Variants in ALDOA observed in about 807,000 individuals in gnomAD.
ALDOA encodes aldolase, fructose-bisphosphate A.
A neutral mutation model predicts 43.9 loss-of-function variants in ALDOA; 26 were observed. The observed-to-expected ratio is 0.59, with a 90% confidence interval of 0.43 to 0.82. The LOEUF is 0.82. ALDOA is among the 40% of genes least tolerant of loss of function. The probability of loss-of-function intolerance (pLI) is 0.00; values close to 1 mark genes in which losing one functional copy is unlikely to be tolerated. For missense variants in ALDOA, 498 were observed against 549.5 expected (o/e 0.91, Z 0.94); for synonymous variants, 258 against 222.6 (o/e 1.16, Z -1.42).
At chr16:30,067,103 C>A in intron 2 of ALDOA, 65 bp downstream of exon 2, 1 of 1,570,192 alleles carries the variant, frequency 6.4e-7, no homozygotes. Context: ...AGAAGTGCCC[C>A]AGGGCCTGCT....
At chr16:30,066,864 C>T (rs992170854) in intron 1 of ALDOA, 21 bp from the exon 2 acceptor site, 2 of 1,544,918 alleles carry the variant, frequency 1.3e-6, no homozygotes, top group Non-Finnish European at 1.7e-6. Context: ...CTAAAATACT[C>T]CGGTTCGGTT....
At chr16:30,068,062 ATT>A (rs71143773) in intron 4 of ALDOA, 4,420 of 175,680 alleles carry the variant, frequency 0.025, no homozygotes, top group South Asian at 0.068. Context: ...TTTTAAGTAA[ATT>A]TTTTTTTTTT....
chr16:30,066,848 T>C, intron 1 of ALDOA, 37 bp from the exon 2 acceptor site: 1 of 1,533,868 alleles, frequency 6.5e-7, no homozygotes, highest in Non-Finnish European at 8.8e-7. Context: ...TCACGATCTT[T>C]ACATTCTAAA....
intron 6 of ALDOA, 125 bp from the exon 7 acceptor site, chr16:30,069,181 C>T: frequency 7.3e-7 from 1 of 1,362,816 alleles, no homozygotes. Flanking sequence ...CTCCTGTAAT[C>T]TGAGGGCTTT....
At position 30,069,902 on chromosome 16, in the gene ALDOA, C is replaced by T; in HGVS notation, c.1034C>T (p.Pro345Leu). The change falls in exon 9 of 10, where the codon CCC becomes CTC. Residue 345 changes from proline to leucine, a missense_variant. Coordinates refer to ENST00000642816, the MANE Select transcript of ALDOA (RefSeq NM_001243177.4). ...SINLNAINKC[P>L]LLKPWALTFS... Reference sequence around the variant, plus strand: ...AACCTCAATGCCATTAACAAGTGCCCCCTGCTGAAGCCCTGGGCCCTGACC... The same window carrying T: ...AACCTCAATGCCATTAACAAGTGCCTCCTGCTGAAGCCCTGGGCCCTGACC... The T allele has an allele frequency of 1.9e-6, 3 of 1,614,150 alleles. No individual in the cohort carries two copies. The highest frequency in any genetic ancestry group is 2.2e-5 in the South Asian group (2 of 91,084).
intron 4 of ALDOA, 188 bp from the exon 5 acceptor site, chr16:30,068,458 G>A (rs1229251514): frequency 1.4e-6 from 1 of 690,176 alleles, no homozygotes; most frequent in African/African-American, 1.8e-5. Flanking sequence ...GGAAGACTGG[G>A]GCTAAAGAAG....
upstream of ALDOA, among the ~76,000 whole-genome samples, chr16:30,065,127 T>C (rs2072054380): frequency 6.6e-6 from 1 of 152,318 alleles, no homozygotes; most frequent in Admixed American, 6.5e-5. Flanking sequence ...CCTGCCAGCC[T>C]GGAACTCGGA....
chr16:30,067,177 G>A (rs2072140098), intron 2 of ALDOA, 57 bp from the exon 3 acceptor site: 3 of 1,609,066 alleles, frequency 1.9e-6, no homozygotes, highest in East Asian at 2.2e-5. Context: ...CCTGGTCATC[G>A]GGAGATGATG....
intron 3 of ALDOA, 33 bp from the exon 4 acceptor site, chr16:30,067,417 G>A: frequency 9.3e-6 from 15 of 1,613,820 alleles, no homozygotes; most frequent in Non-Finnish European, 1.3e-5. Context: ...GGAGTGGCAG[G>A]CTGATCCCCT....
At chr16:30,064,840 AGGGTCCAGATG>A (rs1256284659), upstream of ALDOA, 1 of 219,664 alleles carries the variant, frequency 4.6e-6, no homozygotes, top group African/African-American at 2.3e-5. Context: ...TTGGGCCAAC[AGGGTCCAGATG>A]GGGTCCAGGT....
intron 4 of ALDOA, chr16:30,068,009 A>G (rs2072181321): frequency 3.2e-6 from 1 of 311,096 alleles, no homozygotes; most frequent in Non-Finnish European, 6.1e-6. Flanking sequence ...CTAAGTGAAA[A>G]TATTTTAATT....
rs2072227871 is a variant in ALDOA, at chr16:30,069,250, G to A, written c.703-56G>A. On this transcript the variant is annotated intron_variant, in intron 6 of 9. Transcript: ENST00000642816. ...TCTTGACCAGTGGCTGTGGAGAGAT[G>A]TAGGTGGGACTCTGGGTTAGGAGGC... 6.4e-6 allele frequency: 10 copies of A among 1,573,016 alleles called. No homozygotes were observed. The East Asian group carries it at 2.0e-4, about 32-fold the overall frequency.
At position 30,067,465 on chromosome 16, in the gene ALDOA, G is replaced by C. The variant is rs549146709; in HGVS notation, c.290G>C (p.Arg97Pro). 3.1e-6 allele frequency: 5 copies of C among 1,613,132 alleles called. No homozygotes were observed. The Admixed American group carries it at 5.0e-5, about 16-fold the overall frequency. Residue 97 changes from arginine to proline, a missense_variant, in exon 4 of 10, where the codon CGG becomes CCG. Coordinates refer to ENST00000642816, the MANE Select transcript of ALDOA (RefSeq NM_001243177.4). ...ADESTGSIAK[R>P]LQSIGTENTE... ...ACACTCCCAGGGAGCATTGCCAAGC[G>C]GCTGCAGTCCATTGGCACCGAGAAC...
rs747443135 is a variant in ALDOA at position 30,069,663 on chromosome 16, C to T, written c.951C>T (p.Pro317=). 15 of 1,613,480 alleles carry T rather than the reference C, an allele frequency of 9.3e-6. No homozygotes were observed. Among genetic ancestry groups the T allele is most frequent in the African/African-American group, 4.0e-5 (3 of 74,912 alleles). Residue 317 remains proline, a synonymous_variant, in exon 8 of 10, where the codon CCC becomes CCT. Coordinates refer to ENST00000642816, the MANE Select transcript of ALDOA (RefSeq NM_001243177.4). ...TVTALRRTVP[P]AVTGITFLSG... ...CAGCGCTGCGCCGCACAGTGCCCCC[C>T]GCTGTCACTGGTGAGGCCCACACTC...
upstream of ALDOA, chr16:30,064,414 C>T (rs1221752333): frequency 2.5e-6 from 1 of 398,762 alleles, no homozygotes; most frequent in Non-Finnish European, 4.4e-6. Context: ...CACCCCTTTC[C>T]TTCCCACAGG....
upstream of ALDOA, among the ~76,000 whole-genome samples, chr16:30,065,307 T>C (rs2072059765): frequency 6.6e-6 from 1 of 152,206 alleles, no homozygotes; most frequent in Non-Finnish European, 1.5e-5. Context: ...GACTGCGCGA[T>C]GTGGCCCCTA....
chr16:30,068,924 C>CG lies in ALDOA; in HGVS notation c.649dup (p.Ala217GlyfsTer28). 1 of 1,614,222 alleles carries CG rather than the reference C, an allele frequency of 6.2e-7. No homozygotes were observed. On this transcript the variant is annotated frameshift_variant, in exon 6 of 10. Transcript: ENST00000642816. LOFTEE classifies it high-confidence loss of function. ...TTGGGGAACACACCCCCTCAGCCCTCGCCATCATGGAAAATGCCAATGTTC... is the reference window on the plus strand; with the variant it reads ...TTGGGGAACACACCCCCTCAGCCCTCGGCCATCATGGAAAATGCCAATGTTC...
In ALDOA at chr16:30,070,103, C is replaced by G. The variant is rs781001864; in HGVS notation, c.1162-14C>G. Reference sequence around the variant, plus strand: ...GAGAAGAGCCCTTCTCACTCCACCCCTCTCCCTGCTTAGGCCAACAGCCTT... The same window carrying G: ...GAGAAGAGCCCTTCTCACTCCACCCGTCTCCCTGCTTAGGCCAACAGCCTT... On this transcript the variant is annotated splice_polypyrimidine_tract_variant and intron_variant, in intron 9 of 9. Transcript: ENST00000642816. The G allele has an allele frequency of 6.2e-7, 1 of 1,613,820 alleles. No homozygotes were observed. Among genetic ancestry groups the G allele is most frequent in the African/African-American group, 1.3e-5 (1 of 74,932 alleles).
Position 30,068,677 on chromosome 16 carries a change from C to T in ALDOA, c.518C>T (p.Thr173Ile), listed in dbSNP as rs765047249. ...VDKGVVPLAG[T>I]NGETTTQGLD... The stretch of plus-strand genomic sequence containing the variant: ...AAGGGCGTGGTCCCCCTGGCAGGGA[C>T]AAATGGCGAGACTACCACCCAAGGT... Residue 173 changes from threonine (T) to isoleucine (I), a missense_variant, in exon 5 of 10, where the codon ACA (threonine) becomes ATA (isoleucine). Thr to Ile is a moderately conservative substitution (Grantham distance 89). Transcript: ENST00000642816. 1.9e-6 allele frequency: 3 copies of T among 1,614,206 alleles called. No individual in the cohort carries two copies. The highest frequency in any genetic ancestry group is 2.5e-6 in the Non-Finnish European group (3 of 1,180,038).
Sources: allele counts gnomAD v4.1 joint callset (sites outside exome capture counted in the v4.1 genomes callset), GRCh38; gene constraint gnomAD v4.1.1; transcripts MANE v1.5; gene names NCBI Gene and HGNC (gene_info 2026-07-23, HGNC 2026-07-21).